ADCY9: variants seen among roughly 807,000 people sequenced by gnomAD.
ADCY9 encodes the protein adenylate cyclase type 9.
A neutral mutation model predicts 101.5 loss-of-function variants in ADCY9; 50 were observed. The ratio of observed to expected loss-of-function variants is 0.49; its 90% CI spans 0.39 to 0.62. The LOEUF (loss-of-function observed/expected upper bound fraction) is 0.62, where lower values mean the gene tolerates loss of function less well. Among genes scored for constraint, ADCY9 ranks in the 20% least tolerant of loss-of-function variants. ADCY9 has a pLI of 0.00. For synonymous variants in ADCY9, 905 were observed against 769.3 expected, an observed-to-expected ratio of 1.18 and a Z score of -2.92; for missense variants, 1,662 against 1,800.4, an observed-to-expected ratio of 0.92 and a Z score of 1.39.
At position 3,992,441 on chromosome 16, in the gene ADCY9, C is replaced by T. The variant is rs1368592792; in HGVS notation, c.1990-78G>A. ...CTGGGCACACACGCCTGTCCCACCC[C>T]GACCTCCGCTGCGGGGCGCTGCTGC... On this transcript the variant is annotated intron_variant, in intron 4 of 10. Transcript: ENST00000294016. This position sits in a 1 kb window ranked among gnomAD's most constrained non-coding sequence, Gnocchi z 4.2. 6.6e-6 allele frequency: 9 copies of T among 1,365,910 alleles called. No homozygotes were observed. Among genetic ancestry groups the T allele is most frequent in the South Asian group, 1.3e-5 (1 of 77,774 alleles). 84.6% of individuals were successfully genotyped at this position (1,365,910 alleles called of 1,614,324 possible). A position where few individuals can be genotyped will look rare whatever the true frequency, so the allele number is the denominator to read the frequency against.
At position 4,054,634 on chromosome 16, in the gene ADCY9, A is replaced by G. The variant is rs955460919; in HGVS notation, c.1694-47076T>C. The stretch of plus-strand genomic sequence containing the variant: ...CACCCAGGCTGGAGTGCAGTGGCAC[A>G]ATCTCGGCTCACTGCAAGCTACGCC... On this transcript the variant is annotated intron_variant, in intron 2 of 10. Coordinates refer to ENST00000294016, the MANE Select transcript of ADCY9 (RefSeq NM_001116.4). Among the ~76,000 whole-genome samples, 7 of 151,546 alleles carry G rather than the reference A, an allele frequency of 4.6e-5. No individual in the cohort carries two copies. The South Asian group carries it at 1.3e-3, about 27-fold the overall frequency.
chr16:3,993,972 C>A (rs1043882084), intron 3 of ADCY9, among the ~76,000 whole-genome samples: 5 of 151,972 alleles, frequency 3.3e-5, no homozygotes, highest in Admixed American at 3.3e-4. Flanking sequence ...GGCTGCCAGG[C>A]GGGACCGGGG....
At chr16:4,017,677 T>C (rs1158961535) in intron 2 of ADCY9, among the ~76,000 whole-genome samples, 1 of 148,138 alleles carries the variant, frequency 6.8e-6, no homozygotes, top group East Asian at 1.9e-4. Flanking sequence ...GTGGTAGAGC[T>C]AGGGCAGAAA....
At chr16:4,022,258 G>A (rs545510700) in intron 2 of ADCY9, among the ~76,000 whole-genome samples, 1 of 152,174 alleles carries the variant, frequency 6.6e-6, no homozygotes, top group Admixed American at 6.5e-5. Flanking sequence ...TTGGGAGGCC[G>A]AGGTGGGAGG....
At chr16:4,032,914 G>A (rs1445306035) in intron 2 of ADCY9, 1 of 152,260 alleles carries the variant, frequency 6.6e-6, no homozygotes, top group East Asian at 1.9e-4. Flanking sequence ...CACGCTGGAG[G>A]AAGAAAGAGG....
chr16:4,103,171 C>T (rs1328050471), intron 2 of ADCY9, among the ~76,000 whole-genome samples: 1 of 152,242 alleles, frequency 6.6e-6, no homozygotes, highest in Non-Finnish European at 1.5e-5. Context: ...GGTGTGACAA[C>T]TCCAATTGGC....
chr16:3,977,626 G>T lies in ADCY9; in HGVS notation c.2684C>A (p.Pro895Gln). Residue 895 changes from proline to glutamine, a missense_variant, in exon 9 of 11, where the codon CCA (proline) becomes CAA (glutamine). This residue lies in a region of ADCY9 where 624 missense variants were observed against 639.1 expected (regional missense o/e 0.98). Transcript: ENST00000294016. ...TSEYETNIHF[P>Q]VFTGSAALIA... is the part of the protein sequence containing the mutation. ...CAGCGCGGCCGAGCCTGTGAACACT[G>T]GGAACTGCAAGAGGCGAAGGGTTAG... The T allele has an allele frequency of 6.2e-7, 1 of 1,612,954 alleles. No individual in the cohort carries two copies. The highest frequency in any genetic ancestry group is 8.5e-7 in the Non-Finnish European group (1 of 1,179,796).
chr16:3,971,092 G>C (rs914301543), intron 10 of ADCY9, among the ~76,000 whole-genome samples: 3 of 152,076 alleles, frequency 2.0e-5, no homozygotes, highest in African/African-American at 7.2e-5. Context: ...TTTCCTGCTG[G>C]AAGTCTGGAA....
chr16:4,031,419 G>A (rs1032203421), intron 2 of ADCY9, among the ~76,000 whole-genome samples: 1 of 152,116 alleles, frequency 6.6e-6, no homozygotes, highest in African/African-American at 2.4e-5. Context: ...CAGGGTTCTT[G>A]CACAAATGTG....
intron 2 of ADCY9, among the ~76,000 whole-genome samples, chr16:4,078,711 A>C (rs1441879304): frequency 6.6e-6 from 1 of 152,208 alleles, no homozygotes; most frequent in Admixed American, 6.5e-5. Flanking sequence ...ACCAACATAA[A>C]GATTTTAAAT....
rs796262600 is a variant in ADCY9 at position 4,078,562 on chromosome 16, G to GAA, written c.1693+35186_1693+35187dup. Reference sequence around the variant, plus strand: ...AGAGTGAGACCCTGTCTCAAAAAAAGAAAAAAAAAAAAGAAAACAAAAACA... The same window carrying GAA: ...AGAGTGAGACCCTGTCTCAAAAAAAGAAAAAAAAAAAAAAGAAAACAAAAACA... On this transcript the variant is annotated intron_variant, in intron 2 of 10. Transcript: ENST00000294016. Among the ~76,000 whole-genome samples, 6 of 65,750 alleles carry GAA rather than the reference G, an allele frequency of 9.1e-5. 1 individual carries two copies. Among genetic ancestry groups the GAA allele is most frequent in the Admixed American group, 1.6e-4 (1 of 6,308 alleles). 43.1% of individuals were successfully genotyped at this position (65,750 alleles called of 152,430 possible).
In ADCY9 at chr16:3,992,070, T is replaced by TAAAGA. The variant is rs763568643; in HGVS notation, c.2207+71_2207+75dup. The stretch of plus-strand genomic sequence containing the variant: ...TGGATGACAGAGCGAGACTCAGTCT[T>TAAAGA]AAAGAAAAGAAAAGAAAAAGGCAGA... On this transcript the variant is annotated intron_variant, in intron 5 of 10. Coordinates refer to ENST00000294016, the MANE Select transcript of ADCY9 (RefSeq NM_001116.4). This position sits in a 1 kb window ranked among gnomAD's most constrained non-coding sequence, Gnocchi z 4.2. 19 of 1,460,884 alleles carry TAAAGA rather than the reference T, an allele frequency of 1.3e-5. No homozygotes were observed. The highest frequency in any genetic ancestry group is 3.7e-5 in the Admixed American group (2 of 54,518). 90.5% of individuals were successfully genotyped at this position (1,460,884 alleles called of 1,614,324 possible). A position where few individuals can be genotyped will look rare whatever the true frequency, so the allele number is the denominator to read the frequency against.
intron 2 of ADCY9, among the ~76,000 whole-genome samples, chr16:4,100,657 G>C (rs182721783): frequency 9.5e-4 from 142 of 149,550 alleles, no homozygotes; most frequent in African/African-American, 3.3e-3. Context: ...AGCAGTGTTA[G>C]AATGGTCTGA....
intron 2 of ADCY9, among the ~76,000 whole-genome samples, chr16:4,075,328 G>C (rs1226643720): frequency 1.3e-5 from 2 of 152,106 alleles, no homozygotes; most frequent in Non-Finnish European, 2.9e-5. Context: ...TAGTAGAGAT[G>C]GGGTTTTGCC....
At chr16:4,104,305 G>T (rs2141202984) in intron 2 of ADCY9, among the ~76,000 whole-genome samples, 1 of 152,278 alleles carries the variant, frequency 6.6e-6, no homozygotes, top group South Asian at 2.1e-4. Flanking sequence ...TCATTCAAGA[G>T]ACCAATATTT....
In ADCY9 at chr16:4,115,420, T is replaced by C. The variant is rs1046007898; in HGVS notation, c.23A>G (p.Gln8Arg). ...CTCGGTGCTGTGGTGATGCAGCAGC[T>C]GCTGGTGGGGTGGGGAAGCCATGTT... MASPPHQQLLHHHSTEVS... is the reference protein window; with the variant it reads MASPPHQRLLHHHSTEVS... Residue 8 changes from glutamine to arginine, a missense_variant, in exon 2 of 11, where the codon CAG (glutamine) becomes CGG (arginine). Physicochemically the swap from Gln to Arg is conservative, Grantham distance 43. Coordinates refer to ENST00000294016, the MANE Select transcript of ADCY9 (RefSeq NM_001116.4). The surrounding 1 kb of genome is among the most constrained non-coding windows in gnomAD (Gnocchi z 6.2). 2 of 1,566,050 alleles carry C rather than the reference T, an allele frequency of 1.3e-6. No individual in the cohort carries two copies. The highest frequency in any genetic ancestry group is 2.2e-4 in the Middle Eastern group (1 of 4,452).
intron 2 of ADCY9, among the ~76,000 whole-genome samples, chr16:4,106,201 C>T (rs941841718): frequency 3.9e-5 from 6 of 152,214 alleles, no homozygotes; most frequent in African/African-American, 4.8e-5. Flanking sequence ...TTACAAGGGG[C>T]AGTCTTCTTC....
At chr16:4,017,365 C>A (rs1257144466) in intron 2 of ADCY9, among the ~76,000 whole-genome samples, 1 of 149,892 alleles carries the variant, frequency 6.7e-6, no homozygotes, top group Non-Finnish European at 1.5e-5. Context: ...ATAATGTGGG[C>A]CAGGCATGGT....
intron 2 of ADCY9, among the ~76,000 whole-genome samples, chr16:4,054,341 T>G (rs1366945197): frequency 3.9e-5 from 6 of 151,914 alleles, no homozygotes; most frequent in Non-Finnish European, 8.8e-5. Context: ...ATATTTGTGG[T>G]GCACAAAAAT....
Sources: gnomAD v4.1 joint callset for allele counts (sites outside exome capture counted in the v4.1 genomes callset) on GRCh38, gnomAD v4.1.1 for gene constraint, gnomAD v4.1.1 regional missense constraint, Gnocchi (gnomAD v3.1) non-coding constraint, MANE v1.5 for transcripts, NCBI Gene and HGNC (gene_info 2026-07-23, HGNC 2026-07-21) for gene names.